MOB1B: variants seen among roughly 807,000 people sequenced by gnomAD.
MOB1B encodes the protein MOB1 Mps One Binder homolog B.
In MOB1B, 19 loss-of-function variants were observed where a neutral mutation model predicts 24.4. That is an observed-to-expected ratio of 0.78 (90% confidence interval 0.54 to 1.14). The LOEUF is 1.14. Ranked by LOEUF, MOB1B falls within the 50% of genes most tolerant of loss-of-function variation. The probability of loss-of-function intolerance (pLI) is 0.00; values close to 1 mark genes in which losing one functional copy is unlikely to be tolerated. For missense variants in MOB1B, 243 were observed against 259.6 expected (o/e 0.94, Z 0.44); for synonymous variants, 76 against 82.1 (o/e 0.93, Z 0.40).
chr4:70,959,757 C>T (rs944265742), intron 2 of MOB1B, among the ~76,000 whole-genome samples: 22 of 152,114 alleles, frequency 1.4e-4, no homozygotes, highest in African/African-American at 5.1e-4. Context: ...GGTCATATAG[C>T]TATTAAATGG....
At chr4:70,970,402 TTC>T (rs1308893647) in intron 3 of MOB1B, among the ~76,000 whole-genome samples, 3 of 152,236 alleles carry the variant, frequency 2.0e-5, no homozygotes, top group African/African-American at 7.2e-5. Flanking sequence ...TATCAAATAT[TTC>T]TCTGTCAAAG....
intron 1 of MOB1B, among the ~76,000 whole-genome samples, chr4:70,907,546 C>A (rs1735796885): frequency 6.6e-6 from 1 of 152,120 alleles, no homozygotes; most frequent in Non-Finnish European, 1.5e-5. Flanking sequence ...GAGACAGGGT[C>A]ACCGAGGACG....
chr4:70,946,081 G>GTTTTTTTTTTTTTT (rs1560648567), intron 1 of MOB1B, among the ~76,000 whole-genome samples: 2 of 85,186 alleles, frequency 2.3e-5, no homozygotes. Context: ...GTTTTTGTTT[G>GTTTTTTTTTTTTTT]TTCTTTTTTT....
chr4:70,953,082 G>T (rs2148890961), intron 1 of MOB1B, among the ~76,000 whole-genome samples: 1 of 151,906 alleles, frequency 6.6e-6, no homozygotes, highest in African/African-American at 2.4e-5. Context: ...GGGATTACAG[G>T]CGTCTGCCAC....
rs184041427 is a variant in MOB1B, at chr4:70,967,202, C to T, written c.182-2729C>T. The stretch of plus-strand genomic sequence containing the variant: ...AGGCTGGAGTGCAGTGGCGTGATCT[C>T]AGCTCACTGCAACCTCCGCCTCCTG... On this transcript the variant is annotated intron_variant, in intron 2 of 5. Transcript: ENST00000309395. 1.1e-4 allele frequency among the ~76,000 whole-genome samples: 17 copies of T among 150,672 alleles called. 1 individual carries two copies. The highest frequency in any genetic ancestry group is 3.9e-4 in the African/African-American group (16 of 41,036).
At chr4:70,918,829 A>G (rs1329872796) in intron 1 of MOB1B, among the ~76,000 whole-genome samples, 1 of 152,342 alleles carries the variant, frequency 6.6e-6, no homozygotes, top group African/African-American at 2.4e-5. Context: ...CCAAAGGACT[A>G]TAAATCATGC....
At chr4:70,957,272 A>C (rs954450626) in intron 1 of MOB1B, among the ~76,000 whole-genome samples, 2 of 150,598 alleles carry the variant, frequency 1.3e-5, no homozygotes, top group Non-Finnish European at 3.0e-5. Context: ...AAAAAAAAAA[A>C]AAAAAACAGA....
At chr4:70,911,156 C>T (rs1735970441) in intron 1 of MOB1B, among the ~76,000 whole-genome samples, 1 of 151,982 alleles carries the variant, frequency 6.6e-6, no homozygotes, top group Non-Finnish European at 1.5e-5. Context: ...GGATTTCCAC[C>T]GTGCGTAGAC....
chr4:70,954,427 G>A (rs1403726913), intron 1 of MOB1B, among the ~76,000 whole-genome samples: 2 of 152,052 alleles, frequency 1.3e-5, no homozygotes, highest in East Asian at 1.9e-4. Context: ...TCACAAAATT[G>A]AATTCAGATT....
chr4:70,985,143 T>C lies in MOB1B; in HGVS notation c.*3086T>C, dbSNP rs1019926387. The C allele has an allele frequency of 2.0e-5, 3 of 152,248 alleles. No homozygotes were observed. Among genetic ancestry groups the C allele is most frequent in the African/African-American group, 4.8e-5 (2 of 41,462 alleles). The allele number at this position is 152,248 out of a possible 1,614,324, so 9.4% of individuals were successfully genotyped here. ...CATATATAACCACCAGACTCCATTTTATATATTAGCATTTTCCTTGCTTAT... is the reference window on the plus strand; with the variant it reads ...CATATATAACCACCAGACTCCATTTCATATATTAGCATTTTCCTTGCTTAT... On this transcript the variant is annotated 3_prime_UTR_variant, in exon 6 of 6. Coordinates refer to ENST00000309395, the MANE Select transcript of MOB1B (RefSeq NM_173468.4).
intron 1 of MOB1B, among the ~76,000 whole-genome samples, chr4:70,935,058 A>T (rs532065410): frequency 6.6e-5 from 10 of 152,242 alleles, no homozygotes; most frequent in African/African-American, 2.2e-4. Context: ...CCTAGCTGGG[A>T]CTACAGGTGC....
intron 1 of MOB1B, among the ~76,000 whole-genome samples, chr4:70,915,305 A>G (rs924659584): frequency 6.6e-5 from 10 of 152,232 alleles, no homozygotes; most frequent in African/African-American, 2.4e-4. Context: ...TGAACAAAGA[A>G]TTGGACAAAA....
chr4:70,936,299 C>A (rs1262494003), intron 1 of MOB1B, among the ~76,000 whole-genome samples: 1 of 152,138 alleles, frequency 6.6e-6, no homozygotes, highest in African/African-American at 2.4e-5. Context: ...CACCAGTATA[C>A]TCTTTTGCTA....
At chr4:70,953,717 G>C (rs1048715301) in intron 1 of MOB1B, among the ~76,000 whole-genome samples, 3 of 152,204 alleles carry the variant, frequency 2.0e-5, no homozygotes, top group African/African-American at 4.8e-5. Flanking sequence ...GCTAAAGCGG[G>C]CGGATCACTT....
At chr4:70,921,494 C>CCCCTT (rs1736437924) in intron 1 of MOB1B, among the ~76,000 whole-genome samples, 1 of 112,450 alleles carries the variant, frequency 8.9e-6, no homozygotes, top group South Asian at 4.1e-4. Flanking sequence ...CCCCTCCCCT[C>CCCCTT]CCCTCCCCTC....
chr4:70,922,873 A>G (rs1289416429), intron 1 of MOB1B, among the ~76,000 whole-genome samples: 2 of 152,186 alleles, frequency 1.3e-5, no homozygotes, highest in African/African-American at 4.8e-5. Context: ...ACACACACAC[A>G]AACGAAGATC....
In MOB1B at chr4:70,984,780, TG is replaced by T. The variant is rs1418895261; in HGVS notation, c.*2725del. 1.3e-5 allele frequency: 2 copies of T among 152,284 alleles called. No individual in the cohort carries two copies. Among genetic ancestry groups the T allele is most frequent in the East Asian group, 3.9e-4 (2 of 5,178 alleles). 9.4% of individuals were successfully genotyped at this position (152,284 alleles called of 1,614,324 possible). ...TGAAAATATTTTAATTAGCAGTAGA[TG>T]GTGCTACTGGCTTTCATTTGCTGAC... is the stretch of plus-strand genomic sequence containing the variant. On this transcript the variant is annotated 3_prime_UTR_variant, in exon 6 of 6. Transcript: ENST00000309395.
intron 4 of MOB1B, chr4:70,976,598 G>A (rs955529058): frequency 2.0e-6 from 2 of 984,176 alleles, no homozygotes; most frequent in Middle Eastern, 5.2e-4. Context: ...CTCCTGTAAT[G>A]TTAGAACTTT....
rs188542353 is a variant in MOB1B at position 70,902,713 on chromosome 4, C to T, written c.14+163C>T. Among the ~76,000 whole-genome samples, 350 of 152,164 alleles carry T rather than the reference C, an allele frequency of 2.3e-3. 3 individuals carry two copies. Among genetic ancestry groups the T allele is most frequent in the African/African-American group, 8.1e-3 (336 of 41,516 alleles). On this transcript the variant is annotated intron_variant, in intron 1 of 5. Coordinates refer to ENST00000309395, the MANE Select transcript of MOB1B (RefSeq NM_173468.4). ...GGGCCCCGGGACTGCGCGGAGCGCT[C>T]GGACTACCTAACCGCCGCCTCCCCA...
Sources: allele counts gnomAD v4.1 joint callset (sites outside exome capture counted in the v4.1 genomes callset), GRCh38; gene constraint gnomAD v4.1.1; transcripts MANE v1.5; gene names NCBI Gene and HGNC (gene_info 2026-07-23, HGNC 2026-07-21).